Variants in DPP8 observed in about 807,000 individuals in gnomAD.
DPP8 encodes DPP VIII.
Under a neutral mutation model 107.5 loss-of-function variants are expected in DPP8, and 31 were observed. That is an observed-to-expected ratio of 0.29 (90% CI 0.22 to 0.39). The LOEUF is 0.39. Among genes scored for constraint, DPP8 ranks in the 10% least tolerant of loss-of-function variants. The pLI, the probability that DPP8 is intolerant of heterozygous loss-of-function variation, is 1.00. For missense variants in DPP8, 842 were observed against 1,076.1 expected, an observed-to-expected ratio of 0.78 and a Z score of 3.04; for synonymous variants, 381 against 356.6, an observed-to-expected ratio of 1.07 and a Z score of -0.77.
chr15:65,456,155 G>A (rs2064402771), intron 16 of DPP8, 70 bp downstream of exon 16: 1 of 1,529,024 alleles, frequency 6.5e-7, no homozygotes, highest in African/African-American at 1.4e-5. Context: ...CTCTTTCAAG[G>A]GTTTCACACC....
intron 6 of DPP8, among the ~76,000 whole-genome samples, chr15:65,489,710 G>A (rs889651876): frequency 1.3e-5 from 2 of 150,678 alleles, no homozygotes; most frequent in South Asian, 2.1e-4. Flanking sequence ...AAGCCACCAC[G>A]CCCGGCCATA....
At chr15:65,470,357 G>A (rs953185230) in intron 12 of DPP8, among the ~76,000 whole-genome samples, 1 of 151,884 alleles carries the variant, frequency 6.6e-6, no homozygotes, top group Non-Finnish European at 1.5e-5. Flanking sequence ...TGTAATCCCA[G>A]TACTTTGGGA....
intron 12 of DPP8, among the ~76,000 whole-genome samples, chr15:65,469,773 T>C: frequency 6.6e-6 from 1 of 151,314 alleles, no homozygotes; most frequent in East Asian, 1.9e-4. Context: ...GAGGCAGAGG[T>C]TGCAGTGGGC....
chr15:65,475,328 C>G, intron 11 of DPP8: 1 of 1,075,746 alleles, frequency 9.3e-7, no homozygotes, highest in Non-Finnish European at 1.4e-6. Flanking sequence ...TCAGCTGCTG[C>G]CCCGAGCCAG....
In DPP8 at chr15:65,463,814, G is replaced by T; in HGVS notation, c.1918C>A (p.Leu640Ile). 2 of 1,613,072 alleles carry T rather than the reference G, an allele frequency of 1.2e-6. No individual in the cohort carries two copies. Among genetic ancestry groups the T allele is most frequent in the Non-Finnish European group, 1.7e-6 (2 of 1,179,426 alleles). Residue 640 changes from leucine to isoleucine, a missense_variant, in exon 15 of 20, where the codon CTA (leucine) becomes ATA (isoleucine). Transcript: ENST00000300141. ...LYGMLYKPHD[L>I]QPGKKYPTVL... is the part of the protein sequence containing the mutation. Reference sequence around the variant, plus strand: ...GTAGGATATTTCTTTCCAGGCTGTAGATCATGAGGCTTGTAGAGCATCCCA... The same window carrying T: ...GTAGGATATTTCTTTCCAGGCTGTATATCATGAGGCTTGTAGAGCATCCCA...
At position 65,443,873 on chromosome 15, in the gene DPP8, T is replaced by C. The variant is rs1028398985; in HGVS notation, c.*3011A>G. The C allele has an allele frequency of 6.6e-6, 1 of 152,218 alleles. No individual in the cohort carries two copies. Among genetic ancestry groups the C allele is most frequent in the African/African-American group, 2.4e-5 (1 of 41,462 alleles). The allele number at this position is 152,218 out of a possible 1,614,324, so 9.4% of individuals were successfully genotyped here. The stretch of plus-strand genomic sequence containing the variant: ...GATCGCCTGGAAAGCTTGTTAGAAA[T>C]GCACATTCCTGGTGTCTACCCAAAT... On this transcript the variant is annotated 3_prime_UTR_variant, in exon 20 of 20. Coordinates refer to ENST00000300141, the MANE Select transcript of DPP8 (RefSeq NM_130434.5).
intron 7 of DPP8, among the ~76,000 whole-genome samples, chr15:65,485,544 C>CAAAAAAAAAA (rs56940292): frequency 5.4e-4 from 33 of 61,150 alleles, no homozygotes; most frequent in Non-Finnish European, 7.8e-4. Context: ...GACTCCATCT[C>CAAAAAAAAAA]AAAAAAAAAA....
intron 4 of DPP8, among the ~76,000 whole-genome samples, 158 bp from the exon 5 acceptor site, chr15:65,498,190 G>A (rs2068799000): frequency 6.6e-6 from 1 of 152,186 alleles, no homozygotes; most frequent in Non-Finnish European, 1.5e-5. Flanking sequence ...GGGAGGCCAA[G>A]GCAGGCAGAT....
chr15:65,515,761 C>T, intron 1 of DPP8: 2 of 1,456,844 alleles, frequency 1.4e-6, no homozygotes, highest in Non-Finnish European at 9.6e-7. Flanking sequence ...GCTCTTCTCA[C>T]AGGAATCTTT....
At chr15:65,488,725 C>T (rs1029861627) in intron 6 of DPP8, among the ~76,000 whole-genome samples, 1 of 150,960 alleles carries the variant, frequency 6.6e-6, no homozygotes, top group African/African-American at 2.4e-5. Context: ...TTTATCTATA[C>T]AGTATATGTA....
At chr15:65,514,322 T>C (rs1477834104) in intron 1 of DPP8, among the ~76,000 whole-genome samples, 1 of 152,164 alleles carries the variant, frequency 6.6e-6, no homozygotes, top group Admixed American at 6.5e-5. Context: ...ATGACTAAAA[T>C]CCAAAACAGC....
intron 19 of DPP8, among the ~76,000 whole-genome samples, chr15:65,450,044 C>G (rs891301856): frequency 6.6e-6 from 1 of 151,716 alleles, no homozygotes; most frequent in Admixed American, 6.6e-5. Flanking sequence ...CTCAGCTGAT[C>G]GCAACCTCTG....
intron 15 of DPP8, 46 bp downstream of exon 15, chr15:65,463,715 A>G: frequency 6.7e-7 from 1 of 1,496,458 alleles, no homozygotes; most frequent in Admixed American, 1.9e-5. Context: ...GATCTAAAAT[A>G]CATATGCATA....
At chr15:65,456,034 TC>T (rs1367466473) in intron 16 of DPP8, among the ~76,000 whole-genome samples, 190 bp downstream of exon 16, 2 of 152,112 alleles carry the variant, frequency 1.3e-5, no homozygotes, top group Non-Finnish European at 2.9e-5. Context: ...CTATCTCAGT[TC>T]CCCAAAGTTA....
At chr15:65,462,516 C>T (rs919572472) in intron 15 of DPP8, among the ~76,000 whole-genome samples, 3 of 152,048 alleles carry the variant, frequency 2.0e-5, no homozygotes, top group African/African-American at 7.2e-5. Flanking sequence ...TCTTCCAAGG[C>T]TCAGTGTAGG....
intron 17 of DPP8, 88 bp downstream of exon 17, chr15:65,454,175 C>T (rs2064211284): frequency 1.9e-6 from 2 of 1,053,600 alleles, no homozygotes; most frequent in Admixed American, 3.2e-5. Flanking sequence ...CTCTGTAAAC[C>T]TTCAGAAAAT....
At chr15:65,459,909 C>T (rs985566904) in intron 15 of DPP8, among the ~76,000 whole-genome samples, 3 of 151,750 alleles carry the variant, frequency 2.0e-5, no homozygotes, top group Non-Finnish European at 2.9e-5. Context: ...GAGCCGAGAT[C>T]GTGCCACTGC....
chr15:65,477,186 C>A (rs28894785), intron 11 of DPP8, among the ~76,000 whole-genome samples: 2 of 151,834 alleles, frequency 1.3e-5, no homozygotes, highest in East Asian at 3.9e-4. Flanking sequence ...TTTGGGAGGC[C>A]AAGGCTGGTG....
chr15:65,487,455 T>C (rs896292765), intron 7 of DPP8, among the ~76,000 whole-genome samples: 1 of 152,182 alleles, frequency 6.6e-6, no homozygotes, highest in Admixed American at 6.6e-5. Context: ...GGCGCAAAGA[T>C]ACCTTCTAAT....
Sources: allele counts gnomAD v4.1 joint callset (sites outside exome capture counted in the v4.1 genomes callset), GRCh38; gene constraint gnomAD v4.1.1; transcripts MANE v1.5; gene names NCBI Gene and HGNC (gene_info 2026-07-23, HGNC 2026-07-21).